C1orf87: variants seen among roughly 807,000 people sequenced by gnomAD.
The protein encoded by C1orf87 is uncharacterized protein C1orf87.
Under a neutral mutation model 60.5 loss-of-function variants are expected in C1orf87, and 58 were observed. The observed-to-expected ratio is 0.96, with a 90% CI of 0.78 to 1.19. The LOEUF (loss-of-function observed/expected upper bound fraction) is 1.19. Among genes scored for constraint, C1orf87 ranks in the 50% most tolerant of loss-of-function variants. The pLI is 0.00. For missense variants in C1orf87, 673 were observed against 638.6 expected (o/e 1.05, Z -0.58); for synonymous variants, 236 against 227.4 (o/e 1.04, Z -0.34).
chr1:60,007,075 C>G (rs994324906), intron 9 of C1orf87, among the ~76,000 whole-genome samples: 7 of 151,934 alleles, frequency 4.6e-5, no homozygotes, highest in African/African-American at 1.7e-4. Context: ...CTATGCCTGG[C>G]TAATTTCTTT....
intron 7 of C1orf87, among the ~76,000 whole-genome samples, chr1:60,028,056 G>T: frequency 6.6e-6 from 1 of 152,144 alleles, no homozygotes; most frequent in Middle Eastern, 3.4e-3. Context: ...TGTATATATG[G>T]GTGAAAGAGG....
rs951764141 is a variant in C1orf87, at chr1:59,997,660, T to C, written c.1429A>G (p.Arg477Gly). ...KAEECETWIDRFRKLENALYL... is the reference protein window; with the variant it reads ...KAEECETWIDGFRKLENALYL... ...AGGGCATTTTCCAGCTTCCTGAACC[T>C]GTCTATCCACGTCTCACATTCCTCA... The change falls in exon 11 of 12, where the codon AGG becomes GGG. Residue 477 changes from arginine to glycine, a missense_variant. Transcript: ENST00000371201. 5 of 1,613,864 alleles carry C rather than the reference T, an allele frequency of 3.1e-6. No homozygotes were observed. The highest frequency in any genetic ancestry group is 2.7e-5 in the African/African-American group (2 of 74,912).
At chr1:59,997,960 A>C (rs1175004082) in intron 10 of C1orf87, 144 bp from the exon 11 acceptor site, 10 of 737,606 alleles carry the variant, frequency 1.4e-5, no homozygotes, top group Non-Finnish European at 2.2e-5. Context: ...TCAAATCTTC[A>C]GTGCCATAAG....
chr1:59,995,346 CTCCAGT>C (rs1644956246), intron 11 of C1orf87, among the ~76,000 whole-genome samples: 1 of 152,178 alleles, frequency 6.6e-6, no homozygotes, highest in Admixed American at 6.6e-5. Flanking sequence ...ATCTCCTTCT[CTCCAGT>C]ACCTTCCCTA....
chr1:60,046,800 C>A (rs1241445812), intron 3 of C1orf87, among the ~76,000 whole-genome samples: 1 of 152,126 alleles, frequency 6.6e-6, no homozygotes, highest in Non-Finnish European at 1.5e-5. Flanking sequence ...TTTTTTCTTG[C>A]AATTGTTGAA....
intron 3 of C1orf87, among the ~76,000 whole-genome samples, chr1:60,050,453 TTTG>T (rs1645406218): frequency 6.6e-6 from 1 of 151,550 alleles, no homozygotes; most frequent in African/African-American, 2.4e-5. Context: ...CTAACTCATT[TTTG>T]TTGACATATA....
In C1orf87 at chr1:60,072,563, A is replaced by T; in HGVS notation, c.81T>A (p.Phe27Leu). The change falls in exon 2 of 12, where the codon TTT becomes TTA. Residue 27 changes from phenylalanine (F) to leucine (L), a missense_variant. Physicochemically the swap from Phe to Leu is conservative, Grantham distance 22 (BLOSUM62 0). Transcript: ENST00000371201. Reference sequence around the variant, plus strand: ...TCTTTGGCTTCTCCACGAGGTATTGAAAGTGTTTACTTCCAATGATTTTCA... The same window carrying T: ...TCTTTGGCTTCTCCACGAGGTATTGTAAGTGTTTACTTCCAATGATTTTCA... Reference protein sequence around the residue: ...IMVKIIGSKHFQYLVEKPKIK... With the variant: ...IMVKIIGSKHLQYLVEKPKIK... 2 of 1,611,842 alleles carry T rather than the reference A, an allele frequency of 1.2e-6. No individual in the cohort carries two copies. The highest frequency in any genetic ancestry group is 2.2e-5 in the South Asian group (2 of 90,980).
chr1:60,020,583 G>A (rs1442890065), intron 8 of C1orf87, among the ~76,000 whole-genome samples: 1 of 152,156 alleles, frequency 6.6e-6, no homozygotes, highest in Non-Finnish European at 1.5e-5. Flanking sequence ...GACTTGCATG[G>A]GGTCTGTAGC....
chr1:60,040,737 A>G (rs1645316681), intron 4 of C1orf87, among the ~76,000 whole-genome samples: 1 of 150,116 alleles, frequency 6.7e-6, no homozygotes. Context: ...CCATTTGTCT[A>G]TTCTCAGACT....
At chr1:59,998,667 A>C (rs1322894817) in intron 10 of C1orf87, among the ~76,000 whole-genome samples, 1 of 152,178 alleles carries the variant, frequency 6.6e-6, no homozygotes. Flanking sequence ...AAAATGAACC[A>C]AAAACCCATT....
chr1:59,992,450 T>C (rs1334981037), intron 11 of C1orf87, among the ~76,000 whole-genome samples: 1 of 151,964 alleles, frequency 6.6e-6, no homozygotes, highest in Admixed American at 6.6e-5. Context: ...GTGATGAAGT[T>C]TCACTATGTG....
chr1:60,066,882 T>C (rs1645550431), intron 2 of C1orf87, among the ~76,000 whole-genome samples: 1 of 151,926 alleles, frequency 6.6e-6, no homozygotes, highest in Admixed American at 6.6e-5. Flanking sequence ...CCTGTGTCCA[T>C]GTGTTTTCAT....
chr1:60,049,829 C>T (rs1373120660), intron 3 of C1orf87, among the ~76,000 whole-genome samples: 2 of 152,100 alleles, frequency 1.3e-5, no homozygotes, highest in South Asian at 2.1e-4. Flanking sequence ...TTCTCTATAG[C>T]TATCCAATAA....
At chr1:60,061,410 C>T (rs556459458) in intron 2 of C1orf87, among the ~76,000 whole-genome samples, 90 of 152,024 alleles carry the variant, frequency 5.9e-4, no homozygotes, top group African/African-American at 2.1e-3. Context: ...ACACAGATAC[C>T]TTTACAGGCC....
chr1:60,055,340 A>T lies in C1orf87; in HGVS notation c.206T>A (p.Ile69Asn). The change falls in exon 3 of 12, where the codon ATT (isoleucine) becomes AAT (asparagine). Residue 69 changes from isoleucine to asparagine, a missense_variant. Transcript: ENST00000371201. ...RQMSRDTPVP[I>N]NFTDQQTTDN... ...AGTGGTTTGCTGATCAGTGAAGTTAATGGGAACTGGGGTGTCTCTGCTCAT... is the reference window on the plus strand; with the variant it reads ...AGTGGTTTGCTGATCAGTGAAGTTATTGGGAACTGGGGTGTCTCTGCTCAT... 6.2e-7 allele frequency: 1 copy of T among 1,614,130 alleles called. No homozygotes were observed. Among genetic ancestry groups the T allele is most frequent in the South Asian group, 1.1e-5 (1 of 91,078 alleles).
intron 3 of C1orf87, among the ~76,000 whole-genome samples, chr1:60,044,633 G>A (rs535529365): frequency 1.3e-5 from 2 of 152,238 alleles, no homozygotes; most frequent in South Asian, 4.2e-4. Context: ...CAGGCCAGCT[G>A]CAGGCTGGGC....
chr1:60,008,753 TCTC>T (rs1194447031), intron 9 of C1orf87: 2 of 447,110 alleles, frequency 4.5e-6, no homozygotes, highest in South Asian at 1.6e-5. Context: ...ACTTCAATGG[TCTC>T]CTCATTGAAA....
intron 8 of C1orf87, among the ~76,000 whole-genome samples, chr1:60,018,040 A>T (rs1645135971): frequency 6.6e-6 from 1 of 152,226 alleles, no homozygotes; most frequent in African/African-American, 2.4e-5. Context: ...ACATTTAGTC[A>T]GGAAGCAGCT....
intron 3 of C1orf87, among the ~76,000 whole-genome samples, chr1:60,044,168 T>A (rs984300675): frequency 1.3e-5 from 2 of 152,222 alleles, no homozygotes; most frequent in Non-Finnish European, 2.9e-5. Context: ...TAGCTGGGAC[T>A]ACAGGCGCCC....
Sources: allele counts gnomAD v4.1 joint callset (sites outside exome capture counted in the v4.1 genomes callset), GRCh38; gene constraint gnomAD v4.1.1; transcripts MANE v1.5; gene names NCBI Gene and HGNC (gene_info 2026-07-23, HGNC 2026-07-21).